The following ACTR1B variants were observed in gnomAD, a reference collection of about 807,000 sequenced individuals.
ACTR1B encodes the protein actin related protein 1B.
In ACTR1B, 34 loss-of-function variants were observed where a neutral mutation model predicts 49.4. The observed-to-expected ratio is 0.69, with a 90% confidence interval of 0.52 to 0.92. ACTR1B has a LOEUF of 0.92. Ranked by LOEUF, ACTR1B falls within the 40% of genes least tolerant of loss-of-function variation. ACTR1B has a pLI of 0.00. For missense variants in ACTR1B, 471 were observed against 522.4 expected (o/e 0.90, Z 0.96); for synonymous variants, 207 against 207.8 (o/e 1.00, Z 0.03).
chr2:97,657,923 CAACT>C lies in ACTR1B; in HGVS notation c.925+16_925+19del. The C allele has an allele frequency of 6.2e-7, 1 of 1,611,448 alleles. No individual in the cohort carries two copies. The highest frequency in any genetic ancestry group is 2.2e-5 in the East Asian group (1 of 44,860). ...GCCCTGGGCCTCGTCTCACCACCAC[CAACT>C]CTCAAGCCACAGTACCTTTGAAAAG... is the stretch of plus-strand genomic sequence containing the variant. On this transcript the variant is annotated intron_variant, in intron 8 of 10. Coordinates refer to ENST00000289228, the MANE Select transcript of ACTR1B (RefSeq NM_005735.4).
At chr2:97,663,208 CT>C (rs778126696) in intron 1 of ACTR1B, among the ~76,000 whole-genome samples, 24 of 152,228 alleles carry the variant, frequency 1.6e-4, no homozygotes, top group Non-Finnish European at 2.4e-4. Context: ...TCCTCTGAGG[CT>C]TCCAAACGAT....
At position 97,658,189 on chromosome 2, in the gene ACTR1B, CG is replaced by C; in HGVS notation, c.750+34del. On this transcript the variant is annotated intron_variant, in intron 7 of 10. Transcript: ENST00000289228. This position sits in a 1 kb window ranked among gnomAD's most constrained non-coding sequence, Gnocchi z 5.9. ...CTACCCCTTCCCCCAGGCTGGGCAT[CG>C]GCTGCCACTCCAGTGCCAGGCCCGG... 6.2e-7 allele frequency: 1 copy of C among 1,613,148 alleles called. No homozygotes were observed. Among genetic ancestry groups the C allele is most frequent in the Non-Finnish European group, 8.5e-7 (1 of 1,179,766 alleles).
At position 97,658,958 on chromosome 2, in the gene ACTR1B, G is replaced by A. The variant is rs567001834; in HGVS notation, c.361C>T (p.Arg121Trp). The A allele has an allele frequency of 9.9e-6, 16 of 1,614,124 alleles. No homozygotes were observed. The highest frequency in any genetic ancestry group is 2.2e-5 in the East Asian group (1 of 44,878). ...AAGAACACCTCTGCCGCCTTCTCCC[G>A]GTTCTTACTCGGGTTGAGCGGGGCC... Reference protein sequence around the residue: ...TEAPLNPSKNREKAAEVFFET... With the variant: ...TEAPLNPSKNWEKAAEVFFET... Residue 121 changes from arginine (R) to tryptophan (W), a missense_variant, in exon 5 of 11, where the codon CGG becomes TGG. Physicochemically the swap from Arg to Trp is moderately radical, Grantham distance 101. Transcript: ENST00000289228. This position sits in a 1 kb window ranked among gnomAD's most constrained non-coding sequence, Gnocchi z 5.9.
In ACTR1B at chr2:97,658,415, G is replaced by A. The variant is rs907387704; in HGVS notation, c.657+12C>T. ...CCCCAGGTCGTGTCCACACCCTCTC[G>A]CCCCTTGTCACCTCTTTGATTGTCC... On this transcript the variant is annotated intron_variant, in intron 6 of 10. Coordinates refer to ENST00000289228, the MANE Select transcript of ACTR1B (RefSeq NM_005735.4). This position sits in a 1 kb window ranked among gnomAD's most constrained non-coding sequence, Gnocchi z 5.9. 2.1e-5 allele frequency: 34 copies of A among 1,613,680 alleles called. No individual in the cohort carries two copies. The highest frequency in any genetic ancestry group is 9.3e-5 in the African/African-American group (7 of 74,872).
In ACTR1B at chr2:97,664,007, C is replaced by A; in HGVS notation, c.-117G>T. The A allele has an allele frequency of 1.8e-6, 1 of 542,176 alleles. No homozygotes were observed. Among genetic ancestry groups the A allele is most frequent in the East Asian group, 4.8e-5 (1 of 21,010 alleles). 33.6% of individuals were successfully genotyped at this position (542,176 alleles called of 1,614,324 possible). ...GACGCGGCGCCGCTGCCCTCCCTCC[C>A]CGAGCCTGCAGCCTACGCGAGCCCC... On this transcript the variant is annotated 5_prime_UTR_variant, in exon 1 of 11. Transcript: ENST00000289228.
intron 9 of ACTR1B, 102 bp from the exon 10 acceptor site, chr2:97,657,294 G>A (rs894591532): frequency 1.0e-5 from 16 of 1,533,412 alleles, no homozygotes; most frequent in African/African-American, 9.6e-5. Flanking sequence ...TGACAGCAAA[G>A]GCATAAGCTG....
rs769222613 is a variant in ACTR1B, at chr2:97,659,470, C to T, written c.197G>A (p.Arg66Gln). 8 of 1,613,438 alleles carry T rather than the reference C, an allele frequency of 5.0e-6. No individual in the cohort carries two copies. Among genetic ancestry groups the T allele is most frequent in the African/African-American group, 2.7e-5 (2 of 74,914 alleles). Reference protein sequence around the residue: ...LFIGPKAEEHRGLLTIRYPME... With the variant: ...LFIGPKAEEHQGLLTIRYPME... ...GGGGTAGCGGATGGTCAGCAGCCCC[C>T]GGTGCTCCTGGTGGGGTGGGAAGGG... is the stretch of plus-strand genomic sequence containing the variant. The change falls in exon 4 of 11, where the codon CGG becomes CAG. Residue 66 changes from arginine to glutamine, a missense_variant. Arg to Gln is a conservative substitution (Grantham distance 43). Coordinates refer to ENST00000289228, the MANE Select transcript of ACTR1B (RefSeq NM_005735.4). The surrounding 1 kb of genome is among the most constrained non-coding windows in gnomAD (Gnocchi z 4.0).
In ACTR1B at chr2:97,659,418, C is replaced by T; in HGVS notation, c.249G>A (p.Trp83Ter). Reference sequence around the variant, plus strand: ...ACTGCCAGATGCGTTCCATGTCGTTCCAGTCTCGCACCACGCCGTGCTCCA... The same window carrying T: ...ACTGCCAGATGCGTTCCATGTCGTTTCAGTCTCGCACCACGCCGTGCTCCA... The part of the protein sequence containing the change: ...YPMEHGVVRD[W>*]NDMERIWQYV... Residue 83 changes from tryptophan to a stop codon, truncating the protein, a stop_gained, in exon 4 of 11, where the codon TGG (tryptophan) becomes TGA (stop). Transcript: ENST00000289228. LOFTEE classifies it high-confidence loss of function. This position sits in a 1 kb window ranked among gnomAD's most constrained non-coding sequence, Gnocchi z 4.0. 1 of 1,614,064 alleles carries T rather than the reference C, an allele frequency of 6.2e-7. No individual in the cohort carries two copies. Among genetic ancestry groups the T allele is most frequent in the Non-Finnish European group, 8.5e-7 (1 of 1,180,002 alleles).
At position 97,657,356 on chromosome 2, in the gene ACTR1B, G is replaced by A; in HGVS notation, c.987+92C>T. 6 of 1,505,932 alleles carry A rather than the reference G, an allele frequency of 4.0e-6. No homozygotes were observed. In the Admixed American group the frequency reaches 6.7e-5, roughly 17 times the overall value. 93.3% of individuals were successfully genotyped at this position (1,505,932 alleles called of 1,614,324 possible). A position where few individuals can be genotyped will look rare whatever the true frequency, so the allele number is the denominator to read the frequency against. ...GAACAGGACTAGGTGGACGTGAGCT[G>A]GTGAGCGGGTCTGGGGGCAGCATTC... is the stretch of plus-strand genomic sequence containing the variant. On this transcript the variant is annotated intron_variant, in intron 9 of 10. Coordinates refer to ENST00000289228, the MANE Select transcript of ACTR1B (RefSeq NM_005735.4).
chr2:97,659,390 C>G lies in ACTR1B; in HGVS notation c.277G>C (p.Val93Leu), dbSNP rs771783716. ...WNDMERIWQY[V>L]YSKDQLQTFS... Reference sequence around the variant, plus strand: ...GTCTGCAGCTGATCCTTGGAGTAGACGTACTGCCAGATGCGTTCCATGTCG... The same window carrying G: ...GTCTGCAGCTGATCCTTGGAGTAGAGGTACTGCCAGATGCGTTCCATGTCG... Residue 93 changes from valine (V) to leucine (L), a missense_variant, in exon 4 of 11, where the codon GTC (valine) becomes CTC (leucine). Physicochemically the swap from Val to Leu is conservative, Grantham distance 32 (BLOSUM62 1). Transcript: ENST00000289228. This position sits in a 1 kb window ranked among gnomAD's most constrained non-coding sequence, Gnocchi z 4.0. The G allele has an allele frequency of 1.2e-6, 2 of 1,614,012 alleles. No individual in the cohort carries two copies. Among genetic ancestry groups the G allele is most frequent in the South Asian group, 2.2e-5 (2 of 91,072 alleles).
Position 97,656,858 on chromosome 2 carries a change from C to G in ACTR1B, c.1131G>C (p.Ter377TyrextTer29). 1 of 1,577,244 alleles carries G rather than the reference C, an allele frequency of 6.3e-7. No homozygotes were observed. The highest frequency in any genetic ancestry group is 8.6e-7 in the Non-Finnish European group (1 of 1,160,502). Residue 377 changes from the stop codon to tyrosine, a stop_lost, in exon 11 of 11, where the codon TAG (stop) becomes TAC (tyrosine). Coordinates refer to ENST00000289228, the MANE Select transcript of ACTR1B (RefSeq NM_005735.4). ...GSRAIHRKTF[*>Y] ...CAACATGCCCCGCCCTCCTTGGGCACTAGAAAGTTTTGCGATGAATAGCAC... is the reference window on the plus strand; with the variant it reads ...CAACATGCCCCGCCCTCCTTGGGCAGTAGAAAGTTTTGCGATGAATAGCAC...
At position 97,658,368 on chromosome 2, in the gene ACTR1B, C is replaced by T; in HGVS notation, c.658-52G>A. 6.2e-7 allele frequency: 1 copy of T among 1,613,640 alleles called. No homozygotes were observed. Among genetic ancestry groups the T allele is most frequent in the African/African-American group, 1.3e-5 (1 of 75,048 alleles). ...GAAGGCTGCACCTGGGACACCTGTG[C>T]CTTGGTGCCACCCTTTCCTCACCCC... On this transcript the variant is annotated intron_variant, in intron 6 of 10. Coordinates refer to ENST00000289228, the MANE Select transcript of ACTR1B (RefSeq NM_005735.4). The surrounding 1 kb of genome is among the most constrained non-coding windows in gnomAD (Gnocchi z 5.9).
At chr2:97,663,781 G>GCGC in intron 1 of ACTR1B, 62 bp downstream of exon 1, 2 of 1,190,174 alleles carry the variant, frequency 1.7e-6, no homozygotes, top group South Asian at 1.9e-5. Flanking sequence ...GTCTCTCCCT[G>GCGC]CGCCGCCGCG....
At chr2:97,661,565 G>A (rs556166663) in intron 2 of ACTR1B, among the ~76,000 whole-genome samples, 6 of 152,284 alleles carry the variant, frequency 3.9e-5, no homozygotes, top group South Asian at 4.1e-4. Flanking sequence ...TTCCTGCTCC[G>A]AGTTTAGGGC....
intron 2 of ACTR1B, among the ~76,000 whole-genome samples, 197 bp downstream of exon 2, chr2:97,661,685 A>T (rs1451809066): frequency 6.6e-6 from 1 of 152,018 alleles, no homozygotes; most frequent in Admixed American, 6.5e-5. Context: ...AAAACGAGAG[A>T]CTCCCAAGAC....
chr2:97,659,079 A>G lies in ACTR1B; in HGVS notation c.316-76T>C, dbSNP rs1674941096. 2 of 1,601,024 alleles carry G rather than the reference A, an allele frequency of 1.2e-6. No homozygotes were observed. The highest frequency in any genetic ancestry group is 2.7e-5 in the African/African-American group (2 of 74,716). On this transcript the variant is annotated intron_variant, in intron 4 of 10. Coordinates refer to ENST00000289228, the MANE Select transcript of ACTR1B (RefSeq NM_005735.4). This position sits in a 1 kb window ranked among gnomAD's most constrained non-coding sequence, Gnocchi z 4.0. Reference sequence around the variant, plus strand: ...CCTAAAAGGCTCTTTCCAGAGAACCACACCCGCTGGCGCACAGGCAGCTCA... The same window carrying G: ...CCTAAAAGGCTCTTTCCAGAGAACCGCACCCGCTGGCGCACAGGCAGCTCA...
In ACTR1B at chr2:97,659,577, ACCTG is replaced by A; in HGVS notation, c.190-104_190-101del. The A allele has an allele frequency of 4.5e-6, 2 of 448,016 alleles. No homozygotes were observed. The highest frequency in any genetic ancestry group is 8.8e-6 in the Non-Finnish European group (2 of 228,482). 27.8% of individuals were successfully genotyped at this position (448,016 alleles called of 1,614,324 possible). A position where few individuals can be genotyped will look rare whatever the true frequency, so the allele number is the denominator to read the frequency against. The stretch of plus-strand genomic sequence containing the variant: ...CCTCACCTGCCCTGACCAGAACCTC[ACCTG>A]CCCTGACCAGAACCACCCCTGCTCA... On this transcript the variant is annotated intron_variant, in intron 3 of 10. Transcript: ENST00000289228. This position sits in a 1 kb window ranked among gnomAD's most constrained non-coding sequence, Gnocchi z 4.0.
At position 97,658,328 on chromosome 2, in the gene ACTR1B, G is replaced by C; in HGVS notation, c.658-12C>G. Reference sequence around the variant, plus strand: ...AGGTAGCACGCTCGCTGCGGGGACAGGGACACAGCCCTCAGAAGGCTGCAC... The same window carrying C: ...AGGTAGCACGCTCGCTGCGGGGACACGGACACAGCCCTCAGAAGGCTGCAC... On this transcript the variant is annotated splice_polypyrimidine_tract_variant and intron_variant, in intron 6 of 10. Transcript: ENST00000289228. This position sits in a 1 kb window ranked among gnomAD's most constrained non-coding sequence, Gnocchi z 5.9. 5.0e-6 allele frequency: 8 copies of C among 1,614,166 alleles called. No homozygotes were observed. Among genetic ancestry groups the C allele is most frequent in the Non-Finnish European group, 6.8e-6 (8 of 1,180,018 alleles).
Position 97,658,043 on chromosome 2 carries a change from G to A in ACTR1B, c.825C>T (p.Leu275=). ...GTATGGCGAAGGCCACCACCTCATG[G>A]AGCCCCTCACTCTCATCCCCGACAA... ...PDLVGDESEG[L]HEVVAFAIHK... Residue 275 remains leucine, a synonymous_variant, in exon 8 of 11, where the codon CTC becomes CTT. Transcript: ENST00000289228. The surrounding 1 kb of genome is among the most constrained non-coding windows in gnomAD (Gnocchi z 5.9). The A allele has an allele frequency of 6.2e-7, 1 of 1,614,132 alleles. No homozygotes were observed. Among genetic ancestry groups the A allele is most frequent in the Non-Finnish European group, 8.5e-7 (1 of 1,180,038 alleles).
Sources: gnomAD v4.1 joint callset for allele counts (sites outside exome capture counted in the v4.1 genomes callset) on GRCh38, gnomAD v4.1.1 for gene constraint, Gnocchi (gnomAD v3.1) non-coding constraint, MANE v1.5 for transcripts, NCBI Gene and HGNC (gene_info 2026-07-23, HGNC 2026-07-21) for gene names.